RPL28: variants seen among roughly 807,000 people sequenced by gnomAD.
RPL28 encodes the protein large ribosomal subunit protein eL28.
RPL28 carries 4 observed loss-of-function variants against 12.5 expected under a neutral mutation model. That is an observed-to-expected ratio of 0.32 (90% CI 0.16 to 0.73). The LOEUF (loss-of-function observed/expected upper bound fraction) is 0.73. RPL28 is among the 30% of genes least tolerant of loss of function. RPL28 has a pLI of 0.66. For synonymous variants in RPL28, 91 were observed against 72.5 expected (o/e 1.26, Z -1.30); for missense variants, 214 against 197.7 (o/e 1.08, Z -0.49).
chr19:55,389,100 C>A lies in RPL28; in HGVS notation c.*768C>A. The stretch of plus-strand genomic sequence containing the variant: ...TCCTGATTGCCCAGCCCTCTTGTTT[C>A]CTTTGGCCTGTTTGCTCCCTAGTGT... On this transcript the variant is annotated 3_prime_UTR_variant, in exon 5 of 5. Coordinates refer to ENST00000344063, the MANE Select transcript of RPL28 (RefSeq NM_000991.5). 1 of 985,540 alleles carries A rather than the reference C, an allele frequency of 1.0e-6. No individual in the cohort carries two copies. The allele number at this position is 985,540 out of a possible 1,614,324, so 61.0% of individuals were successfully genotyped here. A position where few individuals can be genotyped will look rare whatever the true frequency, so the allele number is the denominator to read the frequency against.
At chr19:55,401,838 T>G (rs909153430) in intron 4 of RPL28, 2 of 1,504,280 alleles carry the variant, frequency 1.3e-6, no homozygotes, top group African/African-American at 2.7e-5. Flanking sequence ...GAGGGTGGCC[T>G]CCGCACTGGC....
intron 4 of RPL28, among the ~76,000 whole-genome samples, chr19:55,398,066 C>T (rs2090035180): frequency 6.6e-6 from 1 of 152,116 alleles, no homozygotes; most frequent in African/African-American, 2.4e-5. Flanking sequence ...CTTGGTGGCA[C>T]ACGCCTGTAA....
At position 55,391,717 on chromosome 19, in the gene RPL28, T is replaced by G. The variant is rs2089991705; in HGVS notation, c.*3385T>G. The G allele has an allele frequency of 6.6e-7, 1 of 1,521,382 alleles. No individual in the cohort carries two copies. The highest frequency in any genetic ancestry group is 1.4e-5 in the African/African-American group (1 of 72,572). 94.2% of individuals were successfully genotyped at this position (1,521,382 alleles called of 1,614,324 possible). On this transcript the variant is annotated 3_prime_UTR_variant, in exon 5 of 5. Coordinates refer to ENST00000344063, the MANE Select transcript of RPL28 (RefSeq NM_000991.5). ...AGAAGATTAAATGTGCAAAACCTGCTTGACTGTGCCCACAAATCCTGATTG... is the reference window on the plus strand; with the variant it reads ...AGAAGATTAAATGTGCAAAACCTGCGTGACTGTGCCCACAAATCCTGATTG...
At chr19:55,386,328 C>T (rs1443704926) in intron 1 of RPL28, 22 bp from the exon 2 acceptor site, 5 of 1,610,446 alleles carry the variant, frequency 3.1e-6, no homozygotes, top group South Asian at 1.1e-5. Context: ...CTGACGCTTT[C>T]CCTGTGCCCG....
In RPL28 at chr19:55,390,193, T is replaced by G; in HGVS notation, c.*1861T>G. On this transcript the variant is annotated 3_prime_UTR_variant, in exon 5 of 5. Transcript: ENST00000344063. ...TTGAATGTATAAAGCCCACCGGTCC[T>G]GAGAGTTTGCTCACTGGAGACTTTC... 1.0e-6 allele frequency: 1 copy of G among 985,438 alleles called. No homozygotes were observed. The highest frequency in any genetic ancestry group is 1.2e-6 in the Non-Finnish European group (1 of 829,928). The allele number at this position is 985,438 out of a possible 1,614,324, so 61.0% of individuals were successfully genotyped here. A position where few individuals can be genotyped will look rare whatever the true frequency, so the allele number is the denominator to read the frequency against.
chr19:55,388,161 C>T, intron 4 of RPL28, 82 bp from the exon 5 acceptor site: 1 of 1,552,416 alleles, frequency 6.4e-7, no homozygotes. Context: ...TGCTTTCAGC[C>T]TACTCCCCAC....
rs758169597 is a variant in RPL28 at position 55,390,923 on chromosome 19, A to T, written c.*2591A>T. 4 of 985,460 alleles carry T rather than the reference A, an allele frequency of 4.1e-6. No homozygotes were observed. Among genetic ancestry groups the T allele is most frequent in the Non-Finnish European group, 4.8e-6 (4 of 829,946 alleles). 61.0% of individuals were successfully genotyped at this position (985,460 alleles called of 1,614,324 possible). On this transcript the variant is annotated 3_prime_UTR_variant, in exon 5 of 5. Coordinates refer to ENST00000344063, the MANE Select transcript of RPL28 (RefSeq NM_000991.5). ...GGATGGGGCCATCTATTCCAGCTTT[A>T]TTCACACAAATCATGTCTGTTGGCC...
downstream of RPL28, among the ~76,000 whole-genome samples, chr19:55,395,865 T>C (rs569810259): frequency 6.6e-6 from 1 of 152,316 alleles, no homozygotes; most frequent in African/African-American, 2.4e-5. Flanking sequence ...CGTGTATTTT[T>C]CTGGAGAAAT....
chr19:55,393,631 GT>G (rs890657595), downstream of RPL28, among the ~76,000 whole-genome samples: 326 of 114,594 alleles, frequency 2.8e-3, no homozygotes, highest in Non-Finnish European at 4.0e-3. Flanking sequence ...TCACCAATTT[GT>G]TTTTTTTTTT....
downstream of RPL28, among the ~76,000 whole-genome samples, chr19:55,395,544 C>T (rs28540780): frequency 0.029 from 4,404 of 151,002 alleles, 236 homozygotes; most frequent in African/African-American, 0.1. Context: ...CCCGGGTTCA[C>T]GCCATTCTCC....
At position 55,390,965 on chromosome 19, in the gene RPL28, A is replaced by G. The variant is rs958184577; in HGVS notation, c.*2633A>G. The G allele has an allele frequency of 1.0e-6, 1 of 985,462 alleles. No individual in the cohort carries two copies. The highest frequency in any genetic ancestry group is 1.2e-6 in the Non-Finnish European group (1 of 829,922). The allele number at this position is 985,462 out of a possible 1,614,324, so 61.0% of individuals were successfully genotyped here. On this transcript the variant is annotated 3_prime_UTR_variant, in exon 5 of 5. Coordinates refer to ENST00000344063, the MANE Select transcript of RPL28 (RefSeq NM_000991.5). Reference sequence around the variant, plus strand: ...CTGTTGGCCTGGAAATTGGAAAACCAGTTAAACCAAAAACATGATATTAAG... The same window carrying G: ...CTGTTGGCCTGGAAATTGGAAAACCGGTTAAACCAAAAACATGATATTAAG...
chr19:55,388,160 C>T (rs1349379961), intron 4 of RPL28, 83 bp from the exon 5 acceptor site: 1 of 1,554,430 alleles, frequency 6.4e-7, no homozygotes, highest in Non-Finnish European at 8.7e-7. Context: ...TTGCTTTCAG[C>T]CTACTCCCCA....
At chr19:55,386,911 T>A in intron 3 of RPL28, 1 of 1,493,068 alleles carries the variant, frequency 6.7e-7, no homozygotes, top group Non-Finnish European at 8.9e-7. Context: ...AGTGGAGAAA[T>A]GAAAAAGGAC....
intron 3 of RPL28, chr19:55,387,601 AT>A (rs1178013319): frequency 2.1e-6 from 3 of 1,402,768 alleles, no homozygotes; most frequent in Non-Finnish European, 2.8e-6. Flanking sequence ...GAAGCTGTTC[AT>A]ACCCATTGCC....
chr19:55,393,560 C>T (rs73617896), downstream of RPL28, among the ~76,000 whole-genome samples: 4,858 of 151,970 alleles, frequency 0.032, 273 homozygotes, highest in African/African-American at 0.11. Context: ...CCTGAATGGA[C>T]ACCCAGTATC....
In RPL28 at chr19:55,389,359, AGGC is replaced by A; in HGVS notation, c.*1028_*1030del. 1 of 822,934 alleles carries A rather than the reference AGGC, an allele frequency of 1.2e-6. No homozygotes were observed. Among genetic ancestry groups the A allele is most frequent in the Middle Eastern group, 6.3e-4 (1 of 1,600 alleles). The allele number at this position is 822,934 out of a possible 1,614,324, so 51.0% of individuals were successfully genotyped here. On this transcript the variant is annotated 3_prime_UTR_variant, in exon 5 of 5. Coordinates refer to ENST00000344063, the MANE Select transcript of RPL28 (RefSeq NM_000991.5). ...CTGGAAGACACCATGACACACAGTG[AGGC>A]CTGGATGGGGAAAGAGTCCTGCTGT...
At position 55,387,965 on chromosome 19, in the gene RPL28, A is replaced by G. The variant is rs767286064; in HGVS notation, c.241A>G (p.Thr81Ala). 1.4e-5 allele frequency: 23 copies of G among 1,603,556 alleles called. No homozygotes were observed. Among genetic ancestry groups the G allele is most frequent in the Middle Eastern group, 3.9e-4 (2 of 5,094 alleles). The change falls in exon 4 of 5, where the codon ACC becomes GCC. Residue 81 changes from threonine to alanine, a missense_variant. Thr to Ala is a moderately conservative substitution (Grantham distance 58). Coordinates refer to ENST00000344063, the MANE Select transcript of RPL28 (RefSeq NM_000991.5). Reference sequence around the variant, plus strand: ...GCCTGCCACCTCCTATGTGCGGACCACCATCAACAAGAATGCTCGCGCCAC... The same window carrying G: ...GCCTGCCACCTCCTATGTGCGGACCGCCATCAACAAGAATGCTCGCGCCAC... ...RKPATSYVRT[T>A]INKNARATLS...
At chr19:55,401,527 C>A (rs1318615162) in intron 4 of RPL28, 6 of 1,610,508 alleles carry the variant, frequency 3.7e-6, no homozygotes, top group Non-Finnish European at 4.2e-6. Flanking sequence ...GGCCATGGGA[C>A]CCTCAGCCCC....
chr19:55,388,171 C>A, intron 4 of RPL28, 72 bp from the exon 5 acceptor site: 1 of 1,541,160 alleles, frequency 6.5e-7, no homozygotes. Flanking sequence ...CTACTCCCCA[C>A]ACCCAGCATT....
Sources: allele counts gnomAD v4.1 joint callset (sites outside exome capture counted in the v4.1 genomes callset), GRCh38; gene constraint gnomAD v4.1.1; transcripts MANE v1.5; gene names NCBI Gene and HGNC (gene_info 2026-07-23, HGNC 2026-07-21).